The following REPS2 variants were observed in gnomAD, a reference collection of about 807,000 sequenced individuals.
The protein encoded by REPS2 is ralBP1-associated Eps domain-containing protein 2.
A neutral mutation model predicts 53.6 loss-of-function variants in REPS2; 23 were observed. The ratio of observed to expected loss-of-function variants is 0.43; its 90% CI spans 0.31 to 0.61. The LOEUF is 0.61. Ranked by LOEUF, REPS2 falls within the 20% of genes least tolerant of loss-of-function variation. The probability of loss-of-function intolerance (pLI) is 0.11; values close to 1 mark genes in which losing one functional copy is unlikely to be tolerated. For missense variants in REPS2, 446 were observed against 534.9 expected, an observed-to-expected ratio of 0.83 and a Z score of 1.64; for synonymous variants, 238 against 218.6, an observed-to-expected ratio of 1.09 and a Z score of -0.78.
At chrX:17,049,971 C>G (rs1321069137) in intron 6 of REPS2, among the ~76,000 whole-genome samples, 2 of 106,150 alleles carry the variant, frequency 1.9e-5, no homozygotes, top group East Asian at 3.1e-4. Flanking sequence ...CAGTAATGTC[C>G]TAGGCCTTCA....
At chrX:17,083,915 A>G (rs1436762862) in intron 13 of REPS2, among the ~76,000 whole-genome samples, 2 of 110,824 alleles carry the variant, frequency 1.8e-5, no homozygotes, top group African/African-American at 6.6e-5. Context: ...CGTTATTGAG[A>G]TGTAACCCAT....
intron 17 of REPS2, among the ~76,000 whole-genome samples, chrX:17,142,442 A>T (rs977635794): frequency 1.8e-5 from 2 of 111,870 alleles, no homozygotes; most frequent in African/African-American, 3.2e-5. Flanking sequence ...TTTGCAAAAC[A>T]CGTATTTGAT....
intron 17 of REPS2, among the ~76,000 whole-genome samples, chrX:17,143,960 T>G (rs2063480083): frequency 8.9e-6 from 1 of 112,604 alleles, no homozygotes; most frequent in Admixed American, 9.4e-5. Context: ...TTGCTCATAT[T>G]TAAAAGGAAG....
chrX:17,016,847 A>C (rs1160984687), intron 2 of REPS2, among the ~76,000 whole-genome samples: 3 of 94,345 alleles, frequency 3.2e-5, no homozygotes, highest in African/African-American at 1.2e-4. Context: ...TTTGGTTCTT[A>C]GGTATACACC....
intron 1 of REPS2, among the ~76,000 whole-genome samples, chrX:17,005,679 T>C (rs1427672089): frequency 3.6e-5 from 4 of 112,140 alleles, no homozygotes; most frequent in Non-Finnish European, 7.5e-5. Flanking sequence ...CTGACAATTA[T>C]TACAATGTCT....
intron 14 of REPS2, among the ~76,000 whole-genome samples, chrX:17,126,594 G>T (rs2063214280): frequency 8.9e-6 from 1 of 111,831 alleles, no homozygotes; most frequent in Non-Finnish European, 1.9e-5. Flanking sequence ...TGTTCTGTGT[G>T]CTCAGTGAAT....
chrX:17,098,063 G>A (rs957618535), intron 13 of REPS2, among the ~76,000 whole-genome samples: 1 of 111,078 alleles, frequency 9.0e-6, no homozygotes, highest in Non-Finnish European at 1.9e-5. Flanking sequence ...CCTGAATGAA[G>A]CATAATAGAG....
intron 1 of REPS2, among the ~76,000 whole-genome samples, chrX:16,956,460 C>G (rs755683505): frequency 9.1e-6 from 1 of 109,767 alleles, no homozygotes; most frequent in Non-Finnish European, 1.9e-5. Context: ...TGCCACCACA[C>G]CCAGCTAATT....
chrX:17,123,905 A>G (rs970491606), intron 14 of REPS2, among the ~76,000 whole-genome samples: 6 of 112,313 alleles, frequency 5.3e-5, no homozygotes, highest in Non-Finnish European at 3.8e-5. Flanking sequence ...TGCTGCTTGC[A>G]GTAGGAGGAA....
chrX:16,971,401 C>G (rs1391882477), intron 1 of REPS2, among the ~76,000 whole-genome samples: 1 of 112,221 alleles, frequency 8.9e-6, no homozygotes, highest in Non-Finnish European at 1.9e-5. Context: ...ACATATGATA[C>G]AATACATATA....
At chrX:17,046,471 C>T (rs1011603871) in intron 5 of REPS2, among the ~76,000 whole-genome samples, 1 of 111,791 alleles carries the variant, frequency 8.9e-6, no homozygotes, top group Non-Finnish European at 1.9e-5. Flanking sequence ...CCACTGCACC[C>T]GGCCAAGCCT....
intron 13 of REPS2, among the ~76,000 whole-genome samples, chrX:17,093,201 A>ATATATATATATATATATATATATATAT (rs2062647822): frequency 4.4e-5 from 1 of 22,516 alleles, no homozygotes; most frequent in African/African-American, 1.8e-4. Context: ...TATATATATA[A>ATATATATATATATATATATATATATAT]TTTTTTTTTT....
intron 1 of REPS2, among the ~76,000 whole-genome samples, chrX:16,962,674 C>T (rs2060680312): frequency 8.9e-6 from 1 of 111,907 alleles, no homozygotes; most frequent in Non-Finnish European, 1.9e-5. Context: ...TACCTCTTCT[C>T]CCCACAAAGG....
At chrX:17,177,046 C>T in the REPS2 span, among the ~76,000 whole-genome samples, 1 of 112,072 alleles carries the variant, frequency 8.9e-6, no homozygotes, top group African/African-American at 3.2e-5. Flanking sequence ...GGATTTTTCA[C>T]AGCTGCTAAT....
At chrX:17,008,066 C>T (rs964907961) in intron 2 of REPS2, among the ~76,000 whole-genome samples, 32 of 112,191 alleles carry the variant, frequency 2.9e-4, no homozygotes, top group African/African-American at 9.7e-4. Flanking sequence ...TGAAAGGCAT[C>T]TCTTGGTATG....
At chrX:17,051,563 A>T (rs1029434338) in intron 6 of REPS2, among the ~76,000 whole-genome samples, 2 of 112,346 alleles carry the variant, frequency 1.8e-5, no homozygotes. Flanking sequence ...ATATCAGTAC[A>T]TCCCATTTTA....
the REPS2 span, among the ~76,000 whole-genome samples, chrX:17,177,261 A>G: frequency 8.9e-6 from 1 of 112,273 alleles, no homozygotes; most frequent in Non-Finnish European, 1.9e-5. Flanking sequence ...TCCCTTTCCC[A>G]GGTGAAAGTG....
chrX:17,006,250 TG>T lies in REPS2; in HGVS notation c.305del (p.Gly102ValfsTer12). 8.3e-7 allele frequency: 1 copy of T among 1,210,570 alleles called. No homozygotes were observed. Among genetic ancestry groups the T allele is most frequent in the Non-Finnish European group, 1.1e-6 (1 of 894,305 alleles). Reference sequence around the variant, plus strand: ...CAGAACTGTGTGGTGCAAAGCGGGTTGGTTATTTTGGTCCAACACAGTTTTA... The same window carrying T: ...CAGAACTGTGTGGTGCAAAGCGGGTTGTTATTTTGGTCCAACACAGTTTTA... ...ITELCGAKRV[G>X]YFGPTQFYIA... On this transcript the variant is annotated frameshift_variant, in exon 2 of 18. Coordinates refer to ENST00000357277, the MANE Select transcript of REPS2 (RefSeq NM_004726.3). LOFTEE classifies it high-confidence loss of function.
intron 1 of REPS2, among the ~76,000 whole-genome samples, chrX:16,980,029 C>T (rs754457116): frequency 9.0e-6 from 1 of 111,378 alleles, no homozygotes; most frequent in South Asian, 3.7e-4. Flanking sequence ...CATATTGTAT[C>T]ACAGTTGTTG....
Sources: allele counts gnomAD v4.1 joint callset (sites outside exome capture counted in the v4.1 genomes callset), GRCh38; gene constraint gnomAD v4.1.1; transcripts MANE v1.5; gene names NCBI Gene and HGNC (gene_info 2026-07-23, HGNC 2026-07-21).